Variants in DAAM1 observed in about 807,000 individuals in gnomAD.
DAAM1 encodes disheveled-associated activator of morphogenesis 1.
DAAM1 carries 52 observed loss-of-function variants against 130.0 expected under a neutral mutation model. That is an observed-to-expected ratio of 0.40 (90% CI 0.32 to 0.50). DAAM1 has a LOEUF of 0.50. Ranked by LOEUF, DAAM1 falls within the 20% of genes least tolerant of loss-of-function variation. The pLI is 0.61. For synonymous variants in DAAM1, 452 were observed against 444.5 expected, an observed-to-expected ratio of 1.02 and a Z score of -0.21; for missense variants, 1,134 against 1,303.8, an observed-to-expected ratio of 0.87 and a Z score of 2.01.
At chr14:59,237,898 A>G (rs1057083580) in intron 1 of DAAM1, among the ~76,000 whole-genome samples, 2 of 152,156 alleles carry the variant, frequency 1.3e-5, no homozygotes, top group Non-Finnish European at 2.9e-5. Flanking sequence ...TAAATGTTCT[A>G]TTTAGAATGG....
At chr14:59,202,995 CTTTT>C (rs1159998453) in intron 1 of DAAM1, among the ~76,000 whole-genome samples, 1 of 139,554 alleles carries the variant, frequency 7.2e-6, no homozygotes, top group Non-Finnish European at 1.6e-5. Flanking sequence ...CATGAGCTTT[CTTTT>C]TTTTTTTTTT....
At chr14:59,189,510 T>C (rs572959318) in intron 1 of DAAM1, among the ~76,000 whole-genome samples, 1 of 151,952 alleles carries the variant, frequency 6.6e-6, no homozygotes, top group African/African-American at 2.4e-5. Flanking sequence ...GGAGGGCGCA[T>C]CTCAGTCTCC....
Position 59,326,185 on chromosome 14 carries a change from C to T in DAAM1, c.1174+108C>T, listed in dbSNP as rs941383837. 39 of 1,072,730 alleles carry T rather than the reference C, an allele frequency of 3.6e-5. No individual in the cohort carries two copies. The African/African-American group carries it at 5.3e-4, about 15-fold the overall frequency. The allele number at this position is 1,072,730 out of a possible 1,614,324, so 66.5% of individuals were successfully genotyped here. A position where few individuals can be genotyped will look rare whatever the true frequency, so the allele number is the denominator to read the frequency against. Reference sequence around the variant, plus strand: ...TTACATTGGGTGCACACCAGGGATTCCAAGCCTTGGTTTTATGACAGCCAA... The same window carrying T: ...TTACATTGGGTGCACACCAGGGATTTCAAGCCTTGGTTTTATGACAGCCAA... On this transcript the variant is annotated intron_variant, in intron 10 of 24. Coordinates refer to ENST00000360909, the MANE Select transcript of DAAM1 (RefSeq NM_001270520.2).
intron 1 of DAAM1, among the ~76,000 whole-genome samples, chr14:59,233,087 T>C (rs139884037): frequency 2.7e-4 from 41 of 152,320 alleles, no homozygotes; most frequent in Admixed American, 1.8e-3. Context: ...TAAATGGTGC[T>C]GCAATAAACA....
intron 1 of DAAM1, among the ~76,000 whole-genome samples, chr14:59,248,114 C>T (rs1881475084): frequency 6.6e-6 from 1 of 152,186 alleles, no homozygotes; most frequent in Non-Finnish European, 1.5e-5. Flanking sequence ...TAAAATAGAA[C>T]TTTCCATGTT....
At chr14:59,280,535 C>CTTTTTTTTTTTTT (rs35354608) in intron 2 of DAAM1, among the ~76,000 whole-genome samples, 15 of 90,656 alleles carry the variant, frequency 1.7e-4, no homozygotes, top group Admixed American at 3.0e-4. Context: ...GCACACCTTC[C>CTTTTTTTTTTTTT]TTTTTTTTTT....
At chr14:59,225,502 G>A (rs759399820) in intron 1 of DAAM1, among the ~76,000 whole-genome samples, 1 of 152,214 alleles carries the variant, frequency 6.6e-6, no homozygotes, top group Non-Finnish European at 1.5e-5. Context: ...AGCAAGTTGG[G>A]ACTTGAGCCT....
At chr14:59,213,349 CAAAAAA>C (rs35496333) in intron 1 of DAAM1, among the ~76,000 whole-genome samples, 2 of 69,950 alleles carry the variant, frequency 2.9e-5, no homozygotes, top group Non-Finnish European at 2.5e-5. Context: ...CACAGCTTAC[CAAAAAA>C]AAAAAAAAAA....
At chr14:59,266,735 C>T (rs1320361980) in intron 2 of DAAM1, among the ~76,000 whole-genome samples, 1 of 152,174 alleles carries the variant, frequency 6.6e-6, no homozygotes, top group African/African-American at 2.4e-5. Context: ...AAACCTCTGC[C>T]CCAGGTTCTC....
intron 1 of DAAM1, among the ~76,000 whole-genome samples, chr14:59,192,171 TG>T (rs1887753285): frequency 6.6e-6 from 1 of 151,112 alleles, no homozygotes; most frequent in East Asian, 1.9e-4. Context: ...TGTGTGTGTG[TG>T]TGTGTGTGTG....
intron 1 of DAAM1, among the ~76,000 whole-genome samples, chr14:59,192,151 T>TGG (rs1887751530): frequency 2.3e-5 from 1 of 43,236 alleles, no homozygotes; most frequent in Non-Finnish European, 5.1e-5. Context: ...TGTTAAGGGG[T>TGG]GTGTGTGTGT....
At chr14:59,365,104 G>A (rs770433472) in intron 23 of DAAM1, among the ~76,000 whole-genome samples, 7 of 151,878 alleles carry the variant, frequency 4.6e-5, no homozygotes, top group Non-Finnish European at 8.8e-5. Context: ...CCAGCATCGC[G>A]CTTCTCTGAT....
At position 59,216,974 on chromosome 14, in the gene DAAM1, C is replaced by T. The variant is rs116747012; in HGVS notation, c.-38+28206C>T. ...GATGCTTGAAAGTTGAGAGACAATA[C>T]CTCCCCAAACACCCCAATATAGGAG... On this transcript the variant is annotated intron_variant, in intron 1 of 24. Coordinates refer to ENST00000360909, the MANE Select transcript of DAAM1 (RefSeq NM_001270520.2). Among the ~76,000 whole-genome samples the T allele has an allele frequency of 2.0e-3, 303 of 151,980 alleles. 2 individuals are homozygous for T. Among genetic ancestry groups the T allele is most frequent in the African/African-American group, 7.0e-3 (290 of 41,444 alleles).
In DAAM1 at chr14:59,368,999, A is replaced by G; in HGVS notation, c.*140A>G. 1.4e-6 allele frequency: 1 copy of G among 690,846 alleles called. No individual in the cohort carries two copies. The highest frequency in any genetic ancestry group is 2.4e-6 in the Non-Finnish European group (1 of 415,682). The allele number at this position is 690,846 out of a possible 1,614,324, so 42.8% of individuals were successfully genotyped here. A position where few individuals can be genotyped will look rare whatever the true frequency, so the allele number is the denominator to read the frequency against. On this transcript the variant is annotated 3_prime_UTR_variant, in exon 25 of 25. Transcript: ENST00000360909. ...AGTGAATGTGTGAACGTGTGTATGT[A>G]AATGTATGTGTGTATATATTAAAAA...
In DAAM1 at chr14:59,209,707, G is replaced by T. The variant is rs143215688; in HGVS notation, c.-38+20939G>T. On this transcript the variant is annotated intron_variant, in intron 1 of 24. Coordinates refer to ENST00000360909, the MANE Select transcript of DAAM1 (RefSeq NM_001270520.2). ...TAGGCTAAGCTATAGTGTTCAGCAG[G>T]TTGGTGTATTAAATGTATTTTCAAC... 1.9e-3 allele frequency among the ~76,000 whole-genome samples: 289 copies of T among 152,264 alleles called. 1 individual carries two copies. Among genetic ancestry groups the T allele is most frequent in the African/African-American group, 6.4e-3 (264 of 41,550 alleles).
In DAAM1 at chr14:59,263,642, C is replaced by G; in HGVS notation, c.165C>G (p.Val55=). The G allele has an allele frequency of 6.2e-7, 1 of 1,614,170 alleles. No homozygotes were observed. The highest frequency in any genetic ancestry group is 8.5e-7 in the Non-Finnish European group (1 of 1,180,032). ...TGCCCCCTGTGGAGGAGCTGGATGTCATGTTCAGTGAACTGGTGGTGAGTC... is the reference window on the plus strand; with the variant it reads ...TGCCCCCTGTGGAGGAGCTGGATGTGATGTTCAGTGAACTGGTGGTGAGTC... ...LPMPPVEELD[V]MFSELVDELD... Residue 55 remains valine, a synonymous_variant, in exon 2 of 25, where the codon GTC becomes GTG. Transcript: ENST00000360909.
intron 1 of DAAM1, among the ~76,000 whole-genome samples, chr14:59,244,949 A>T (rs896421902): frequency 6.6e-6 from 1 of 152,124 alleles, no homozygotes; most frequent in Non-Finnish European, 1.5e-5. Flanking sequence ...GCTGGTGATG[A>T]GTAGGAGGAG....
intron 13 of DAAM1, among the ~76,000 whole-genome samples, chr14:59,330,947 C>A (rs2139634268): frequency 6.6e-6 from 1 of 152,228 alleles, no homozygotes; most frequent in Middle Eastern, 3.4e-3. Flanking sequence ...TTCATGAAAA[C>A]CAGACTGTCT....
chr14:59,222,524 G>A (rs1015864274), intron 1 of DAAM1, among the ~76,000 whole-genome samples: 6 of 152,168 alleles, frequency 3.9e-5, no homozygotes, highest in Admixed American at 1.3e-4. Context: ...GCTGTAGCCA[G>A]GTCAGCCTTG....
Sources: gnomAD v4.1 joint callset for allele counts (sites outside exome capture counted in the v4.1 genomes callset) on GRCh38, gnomAD v4.1.1 for gene constraint, MANE v1.5 for transcripts, NCBI Gene and HGNC (gene_info 2026-07-23, HGNC 2026-07-21) for gene names.